SYTL1: variants seen among roughly 807,000 people sequenced by gnomAD.
SYTL1 encodes synaptotagmin like 1.
Under a neutral mutation model 74.6 loss-of-function variants are expected in SYTL1, and 53 were observed. The observed-to-expected ratio is 0.71, with a 90% CI of 0.57 to 0.89. The LOEUF (loss-of-function observed/expected upper bound fraction) is 0.89, where lower values mean the gene tolerates loss of function less well. Ranked by LOEUF, SYTL1 falls within the 40% of genes least tolerant of loss-of-function variation. The probability of loss-of-function intolerance (pLI) is 0.00; values close to 1 mark genes in which losing one functional copy is unlikely to be tolerated. For missense variants in SYTL1, 728 were observed against 768.7 expected, an observed-to-expected ratio of 0.95 and a Z score of 0.63; for synonymous variants, 329 against 324.9, an observed-to-expected ratio of 1.01 and a Z score of -0.14.
rs574739269 is a variant in SYTL1, at chr1:27,343,026, G to A, written c.-39+876G>A. Among the ~76,000 whole-genome samples the A allele has an allele frequency of 6.6e-6, 1 of 152,360 alleles. No homozygotes were observed. The highest frequency in any genetic ancestry group is 2.4e-5 in the African/African-American group (1 of 41,582). On this transcript the variant is annotated intron_variant, in intron 1 of 14. Coordinates refer to ENST00000616558, the MANE Select transcript of SYTL1 (RefSeq NM_001193308.2). This position sits in a 1 kb window ranked among gnomAD's most constrained non-coding sequence, Gnocchi z 5.2. ...GAGGGTGTCAAGAGGGATCGCTGGG[G>A]CTCGGCCACTGACTCAGCTGGGAGG...
rs927715924 is a variant in SYTL1, at chr1:27,342,420, C to T, written c.-39+270C>T. The T allele has an allele frequency of 3.9e-6, 3 of 775,134 alleles. No homozygotes were observed. The African/African-American group carries it at 5.7e-5, about 15-fold the overall frequency. The allele number at this position is 775,134 out of a possible 1,614,324, so 48.0% of individuals were successfully genotyped here. ...GAGAGGGGACTTCAGGGAGGGGGCA[C>T]TGCTGAGGACGCTGGGCTGATGCCC... On this transcript the variant is annotated intron_variant, in intron 1 of 14. Transcript: ENST00000616558. This position sits in a 1 kb window ranked among gnomAD's most constrained non-coding sequence, Gnocchi z 4.7.
At position 27,349,764 on chromosome 1, in the gene SYTL1, C is replaced by A. The variant is rs1056186263; in HGVS notation, c.746C>A (p.Thr249Lys). ...SSSVSSLNSSTLSGSQMSLSG... is the reference protein window; with the variant it reads ...SSSVSSLNSSKLSGSQMSLSG... ...TCGGTGTCCAGCCTTAACTCCTCCA[C>A]GGTGAGGCGGGAGGGAGGGGACCCG... The change falls in exon 8 of 15, where the codon ACG becomes AAG. Residue 249 changes from threonine (T) to lysine (K), a missense_variant and splice_region_variant. Transcript: ENST00000616558. 5 of 1,596,226 alleles carry A rather than the reference C, an allele frequency of 3.1e-6. No individual in the cohort carries two copies. Among genetic ancestry groups the A allele is most frequent in the African/African-American group, 2.7e-5 (2 of 74,668 alleles).
rs1307462727 is a variant in SYTL1 at position 27,349,787 on chromosome 1, C to G, written c.747+22C>G. On this transcript the variant is annotated intron_variant, in intron 8 of 14. Coordinates refer to ENST00000616558, the MANE Select transcript of SYTL1 (RefSeq NM_001193308.2). ...CACGGTGAGGCGGGAGGGAGGGGACCCGGGCGGCCGGGGGGTGGACCCGTT... is the reference window on the plus strand; with the variant it reads ...CACGGTGAGGCGGGAGGGAGGGGACGCGGGCGGCCGGGGGGTGGACCCGTT... The G allele has an allele frequency of 2.5e-6, 4 of 1,572,912 alleles. No homozygotes were observed. The Admixed American group carries it at 5.3e-5, about 21-fold the overall frequency.
In SYTL1 at chr1:27,350,984, C is replaced by A; in HGVS notation, c.1164+32C>A. The A allele has an allele frequency of 3.1e-6, 5 of 1,609,542 alleles. No homozygotes were observed. In the South Asian group the frequency reaches 5.5e-5, roughly 18 times the overall value. Reference sequence around the variant, plus strand: ...CAGCCAGGCCGCGTGGGGAGACCTGCGGCCCGGGTCTCCTGCATTTACCCC... The same window carrying A: ...CAGCCAGGCCGCGTGGGGAGACCTGAGGCCCGGGTCTCCTGCATTTACCCC... On this transcript the variant is annotated intron_variant, in intron 11 of 14. Transcript: ENST00000616558. This position sits in a 1 kb window ranked among gnomAD's most constrained non-coding sequence, Gnocchi z 6.3.
rs1185188027 is a variant in SYTL1, at chr1:27,350,754, C to T, written c.1006-40C>T. On this transcript the variant is annotated intron_variant, in intron 10 of 14. Coordinates refer to ENST00000616558, the MANE Select transcript of SYTL1 (RefSeq NM_001193308.2). The surrounding 1 kb of genome is among the most constrained non-coding windows in gnomAD (Gnocchi z 6.3). ...CAACTCGCGCAGCATCTACGCGGGC[C>T]ACCAGCAGTGCTCCACTAAAGCTCA... The T allele has an allele frequency of 2.5e-6, 4 of 1,604,786 alleles. No individual in the cohort carries two copies. The highest frequency in any genetic ancestry group is 3.4e-6 in the Non-Finnish European group (4 of 1,173,318).
Position 27,342,391 on chromosome 1 carries a change from G to A in SYTL1, c.-39+241G>A. On this transcript the variant is annotated intron_variant, in intron 1 of 14. Transcript: ENST00000616558. This position sits in a 1 kb window ranked among gnomAD's most constrained non-coding sequence, Gnocchi z 4.7. Reference sequence around the variant, plus strand: ...TGGTAGGAGATTCTGCCTCTGGTTGGTAGGAGAGGGGACTTCAGGGAGGGG... The same window carrying A: ...TGGTAGGAGATTCTGCCTCTGGTTGATAGGAGAGGGGACTTCAGGGAGGGG... 1.0e-6 allele frequency: 1 copy of A among 968,870 alleles called. No homozygotes were observed. Among genetic ancestry groups the A allele is most frequent in the Non-Finnish European group, 1.2e-6 (1 of 814,700 alleles). 60.0% of individuals were successfully genotyped at this position (968,870 alleles called of 1,614,324 possible).
rs536753056 is a variant in SYTL1, at chr1:27,351,221, A to G, written c.1165-37A>G. ...CCCCACCCTCCTGAGGCCCCTTTCC[A>G]TTAGCCCCTGCTCCACGATAAGCCC... On this transcript the variant is annotated intron_variant, in intron 11 of 14. Transcript: ENST00000616558. This position sits in a 1 kb window ranked among gnomAD's most constrained non-coding sequence, Gnocchi z 5.0. 19 of 1,547,594 alleles carry G rather than the reference A, an allele frequency of 1.2e-5. 1 individual carries two copies. In the South Asian group the frequency reaches 1.7e-4, roughly 14 times the overall value.
chr1:27,351,837 G>C lies in SYTL1; in HGVS notation c.1343+282G>C, dbSNP rs1201915137. The C allele has an allele frequency of 2.8e-6, 1 of 358,970 alleles. No homozygotes were observed. The highest frequency in any genetic ancestry group is 5.0e-6 in the Non-Finnish European group (1 of 200,238). 22.2% of individuals were successfully genotyped at this position (358,970 alleles called of 1,614,324 possible). ...AGAGAACCTGGGAGGCCAGGCTGTG[G>C]GGCTTGGCTGGGAACTTATAGTTCA... On this transcript the variant is annotated intron_variant, in intron 13 of 14. Coordinates refer to ENST00000616558, the MANE Select transcript of SYTL1 (RefSeq NM_001193308.2). This position sits in a 1 kb window ranked among gnomAD's most constrained non-coding sequence, Gnocchi z 5.0.
rs2015195316 is a variant in SYTL1, at chr1:27,350,122, C to T, written c.898C>T (p.Arg300Cys). 1.4e-6 allele frequency: 2 copies of T among 1,390,920 alleles called. No individual in the cohort carries two copies. The highest frequency in any genetic ancestry group is 7.5e-5 in the Admixed American group (2 of 26,546). 86.2% of individuals were successfully genotyped at this position (1,390,920 alleles called of 1,614,324 possible). Residue 300 changes from arginine to cysteine, a missense_variant, in exon 9 of 15, where the codon CGC becomes TGC. Transcript: ENST00000616558. The surrounding 1 kb of genome is among the most constrained non-coding windows in gnomAD (Gnocchi z 6.3). ...GGGCCTGGCCGCCGCCCGGCGCCGCCGCTCGGACCCGTGAGTGCCCCGCCG... is the reference window on the plus strand; with the variant it reads ...GGGCCTGGCCGCCGCCCGGCGCCGCTGCTCGGACCCGTGAGTGCCCCGCCG... ...CQGLAAARRR[R>C]SDPYVKSYLL...
Position 27,347,816 on chromosome 1 carries a change from G to T in SYTL1, c.349G>T (p.Ala117Ser). The stretch of plus-strand genomic sequence containing the variant: ...TTCTCACCTGCGCCCAGGAGACCAG[G>T]CTCCAGGCCACGACAGGGAGGCTGA... Reference protein sequence around the residue: ...RRKKSTRGDQAPGHDREAEAA... With the variant: ...RRKKSTRGDQSPGHDREAEAA... The change falls in exon 4 of 15, where the codon GCT becomes TCT. Residue 117 changes from alanine to serine, a missense_variant. Ala to Ser is a moderately conservative substitution (Grantham distance 99). Coordinates refer to ENST00000616558, the MANE Select transcript of SYTL1 (RefSeq NM_001193308.2). The surrounding 1 kb of genome is among the most constrained non-coding windows in gnomAD (Gnocchi z 4.9). 6.2e-7 allele frequency: 1 copy of T among 1,613,526 alleles called. No individual in the cohort carries two copies. The highest frequency in any genetic ancestry group is 8.5e-7 in the Non-Finnish European group (1 of 1,179,728).
chr1:27,350,552 T>A lies in SYTL1; in HGVS notation c.1005+67T>A. 7.3e-7 allele frequency: 1 copy of A among 1,371,928 alleles called. No homozygotes were observed. The highest frequency in any genetic ancestry group is 1.0e-6 in the Non-Finnish European group (1 of 980,404). 85.0% of individuals were successfully genotyped at this position (1,371,928 alleles called of 1,614,324 possible). A position where few individuals can be genotyped will look rare whatever the true frequency, so the allele number is the denominator to read the frequency against. On this transcript the variant is annotated intron_variant, in intron 10 of 14. Coordinates refer to ENST00000616558, the MANE Select transcript of SYTL1 (RefSeq NM_001193308.2). The surrounding 1 kb of genome is among the most constrained non-coding windows in gnomAD (Gnocchi z 6.3). ...GACGCCCCCTTCCTGCGGGGCTAGG[T>A]GGCAAGGGCAGCCAGTAACGTCATT...
chr1:27,350,405 C>T lies in SYTL1; in HGVS notation c.925C>T (p.Leu309Phe), dbSNP rs753918749. The change falls in exon 10 of 15, where the codon CTC becomes TTC. Residue 309 changes from leucine to phenylalanine, a missense_variant. Physicochemically the swap from Leu to Phe is conservative, Grantham distance 22. Coordinates refer to ENST00000616558, the MANE Select transcript of SYTL1 (RefSeq NM_001193308.2). This position sits in a 1 kb window ranked among gnomAD's most constrained non-coding sequence, Gnocchi z 6.3. ...RRSDPYVKSY[L>F]LPDKQSKRKT... is the part of the protein sequence containing the mutation. ...CCTCCCCAGCTACGTCAAAAGCTAC[C>T]TCCTCCCGGATAAGCAGAGCAAGCG... 1 of 1,614,174 alleles carries T rather than the reference C, an allele frequency of 6.2e-7. No homozygotes were observed. Among genetic ancestry groups the T allele is most frequent in the South Asian group, 1.1e-5 (1 of 91,090 alleles).
chr1:27,349,267 G>A, intron 6 of SYTL1, 115 bp downstream of exon 6: 1 of 1,486,632 alleles, frequency 6.7e-7, no homozygotes. Context: ...CCCCGCGTCG[G>A]AGGTGGGGAC....
In SYTL1 at chr1:27,347,330, C is replaced by A. The variant is rs1176235957; in HGVS notation, c.192-91C>A. The A allele has an allele frequency of 6.4e-7, 1 of 1,566,774 alleles. No individual in the cohort carries two copies. Among genetic ancestry groups the A allele is most frequent in the Non-Finnish European group, 8.7e-7 (1 of 1,144,818 alleles). On this transcript the variant is annotated intron_variant, in intron 2 of 14. Coordinates refer to ENST00000616558, the MANE Select transcript of SYTL1 (RefSeq NM_001193308.2). The surrounding 1 kb of genome is among the most constrained non-coding windows in gnomAD (Gnocchi z 4.9). The stretch of plus-strand genomic sequence containing the variant: ...TCAAGTCTGATTTGCTGTTGGGTCC[C>A]TGGCCCCTGGTCCCAAGCCTGTTAA...
Position 27,351,056 on chromosome 1 carries a change from T to A in SYTL1, c.1164+104T>A. The stretch of plus-strand genomic sequence containing the variant: ...CTCACACCCCGCCTTCGACAGAACC[T>A]CCCCTCAACCTCTTAACCTCATGGC... On this transcript the variant is annotated intron_variant, in intron 11 of 14. Transcript: ENST00000616558. The surrounding 1 kb of genome is among the most constrained non-coding windows in gnomAD (Gnocchi z 5.0). The A allele has an allele frequency of 7.0e-7, 1 of 1,422,472 alleles. No homozygotes were observed. The highest frequency in any genetic ancestry group is 9.6e-7 in the Non-Finnish European group (1 of 1,046,154). 88.1% of individuals were successfully genotyped at this position (1,422,472 alleles called of 1,614,324 possible).
intron 14 of SYTL1, 38 bp from the exon 15 acceptor site, chr1:27,353,675 T>C: frequency 2.5e-6 from 4 of 1,598,932 alleles, no homozygotes; most frequent in Non-Finnish European, 3.4e-6. Flanking sequence ...AGGTGTCCAG[T>C]GTGATCATGC....
In SYTL1 at chr1:27,351,211, G is replaced by T; in HGVS notation, c.1165-47G>T. On this transcript the variant is annotated intron_variant, in intron 11 of 14. Coordinates refer to ENST00000616558, the MANE Select transcript of SYTL1 (RefSeq NM_001193308.2). The surrounding 1 kb of genome is among the most constrained non-coding windows in gnomAD (Gnocchi z 5.0). Reference sequence around the variant, plus strand: ...GGTCTGCAGACCCCACCCTCCTGAGGCCCCTTTCCATTAGCCCCTGCTCCA... The same window carrying T: ...GGTCTGCAGACCCCACCCTCCTGAGTCCCCTTTCCATTAGCCCCTGCTCCA... 1 of 1,543,494 alleles carries T rather than the reference G, an allele frequency of 6.5e-7. No homozygotes were observed.
At position 27,350,073 on chromosome 1, in the gene SYTL1, G is replaced by T. The variant is rs1255255203; in HGVS notation, c.849G>T (p.Leu283=). Residue 283 remains leucine, a synonymous_variant, in exon 9 of 15, where the codon CTG becomes CTT. Transcript: ENST00000616558. The surrounding 1 kb of genome is among the most constrained non-coding windows in gnomAD (Gnocchi z 6.3). ...ALHYEPGAAE[L]RVHVIQCQGL... ...ACTACGAGCCGGGCGCCGCCGAGCT[G>T]CGCGTGCACGTGATCCAGTGCCAGG... 2 of 1,495,634 alleles carry T rather than the reference G, an allele frequency of 1.3e-6. No homozygotes were observed. Among genetic ancestry groups the T allele is most frequent in the Non-Finnish European group, 1.8e-6 (2 of 1,129,340 alleles). The allele number at this position is 1,495,634 out of a possible 1,614,324, so 92.6% of individuals were successfully genotyped here.
chr1:27,345,235 T>G lies in SYTL1; in HGVS notation c.-38-62T>G. The stretch of plus-strand genomic sequence containing the variant: ...CAAGTGTTTGGGGAGAAAAGGGCTG[T>G]TGGTTCTAGGATGTGCCAAGCATTT... On this transcript the variant is annotated intron_variant, in intron 1 of 14. Coordinates refer to ENST00000616558, the MANE Select transcript of SYTL1 (RefSeq NM_001193308.2). This position sits in a 1 kb window ranked among gnomAD's most constrained non-coding sequence, Gnocchi z 6.0. 1.1e-6 allele frequency: 1 copy of G among 917,346 alleles called. No homozygotes were observed. Among genetic ancestry groups the G allele is most frequent in the Non-Finnish European group, 1.6e-6 (1 of 641,956 alleles). 56.8% of individuals were successfully genotyped at this position (917,346 alleles called of 1,614,324 possible).
Sources: allele counts gnomAD v4.1 joint callset (sites outside exome capture counted in the v4.1 genomes callset), GRCh38; gene constraint gnomAD v4.1.1; non-coding constraint Gnocchi (gnomAD v3.1); transcripts MANE v1.5; gene names NCBI Gene and HGNC (gene_info 2026-07-23, HGNC 2026-07-21).